The following TCTN2 variants were observed in gnomAD, a reference collection of about 807,000 sequenced individuals.
TCTN2 encodes tectonic-2.
In TCTN2, 66 loss-of-function variants were observed where a neutral mutation model predicts 83.4. The observed-to-expected ratio is 0.79, with a 90% CI of 0.65 to 0.97. The LOEUF (loss-of-function observed/expected upper bound fraction) is 0.97, where lower values mean the gene tolerates loss of function less well. Among genes scored for constraint, TCTN2 ranks in the 50% least tolerant of loss-of-function variants. TCTN2 has a pLI of 0.00. For synonymous variants in TCTN2, 301 were observed against 326.7 expected (o/e 0.92, Z 0.85); for missense variants, 794 against 858.1 (o/e 0.93, Z 0.93).
intron 3 of TCTN2, 112 bp downstream of exon 3, chr12:123,672,244 C>A: frequency 2.0e-6 from 2 of 1,014,886 alleles, no homozygotes; most frequent in Non-Finnish European, 3.1e-6. Flanking sequence ...TCTCAACAAT[C>A]ATGAAATTGT....
chr12:123,672,759 A>G (rs545668272), intron 3 of TCTN2, among the ~76,000 whole-genome samples: 1 of 151,996 alleles, frequency 6.6e-6, no homozygotes, highest in South Asian at 2.1e-4. Context: ...TTAAAAAAAA[A>G]GAAAAAGCTG....
chr12:123,677,716 ACAGTGT>A (rs1292936053), intron 4 of TCTN2, among the ~76,000 whole-genome samples: 1 of 151,852 alleles, frequency 6.6e-6, no homozygotes, highest in Non-Finnish European at 1.5e-5. Context: ...CCCCTGCACC[ACAGTGT>A]TCCCCCTATT....
chr12:123,680,564 T>C (rs12823866), intron 5 of TCTN2, among the ~76,000 whole-genome samples: 52,320 of 147,306 alleles, frequency 0.36, 9,871 homozygotes, highest in African/African-American at 0.41. Flanking sequence ...TTGCCCAGGC[T>C]GGAGTGCAGT....
At chr12:123,697,860 C>A (rs957307619) in intron 13 of TCTN2, among the ~76,000 whole-genome samples, 1 of 136,540 alleles carries the variant, frequency 7.3e-6, no homozygotes, top group African/African-American at 2.7e-5. Context: ...GGGTGATTAA[C>A]TTTTTTTTTT....
intron 2 of TCTN2, among the ~76,000 whole-genome samples, 174 bp downstream of exon 2, chr12:123,671,788 G>A (rs1955756496): frequency 6.6e-6 from 1 of 152,210 alleles, no homozygotes; most frequent in Admixed American, 6.5e-5. Context: ...GGACAGGTTC[G>A]AAGAAAGCCT....
intron 13 of TCTN2, among the ~76,000 whole-genome samples, chr12:123,697,833 A>G (rs998503468): frequency 2.6e-5 from 4 of 151,750 alleles, no homozygotes; most frequent in South Asian, 4.2e-4. Flanking sequence ...GAAAAAGGCC[A>G]GAGCAAAGTG....
intron 4 of TCTN2, among the ~76,000 whole-genome samples, chr12:123,676,566 TAAAAAAAAAAAAA>T (rs60100973): frequency 6.6e-5 from 4 of 60,698 alleles, no homozygotes; most frequent in African/African-American, 2.5e-4. Context: ...AGACTCCATC[TAAAAAAAAAAAAA>T]AAAAAAAAAA....
intron 6 of TCTN2, 76 bp from the exon 7 acceptor site, chr12:123,687,975 G>A: frequency 6.3e-7 from 1 of 1,586,908 alleles, no homozygotes; most frequent in Non-Finnish European, 8.6e-7. Context: ...GAAAACAAGA[G>A]TAAAGAACAA....
intron 4 of TCTN2, among the ~76,000 whole-genome samples, chr12:123,678,103 G>T (rs1356896285): frequency 1.3e-5 from 2 of 152,146 alleles, no homozygotes; most frequent in African/African-American, 4.8e-5. Flanking sequence ...CTCTGAGAGT[G>T]CGAGCCCCTC....
rs771335558 is a variant in TCTN2 at position 123,707,685 on chromosome 12, G to C, written c.2066G>C (p.Trp689Ser). 11 of 1,614,010 alleles carry C rather than the reference G, an allele frequency of 6.8e-6. No individual in the cohort carries two copies. In the African/African-American group the frequency reaches 1.3e-4, roughly 20 times the overall value. Reference sequence around the variant, plus strand: ...TTGGCCTTGTTCCTCAGCAACCCCTGGACCAGAATATGCAAAGCCTATAGT... The same window carrying C: ...TTGGCCTTGTTCCTCAGCAACCCCTCGACCAGAATATGCAAAGCCTATAGT... Reference protein sequence around the residue: ...LTLALFLSNPWTRICKAYS With the variant: ...LTLALFLSNPSTRICKAYS Residue 689 changes from tryptophan (W) to serine (S), a missense_variant, in exon 18 of 18, where the codon TGG becomes TCG. By Grantham distance (177) the Trp-to-Ser change is radical (BLOSUM62 -3). Transcript: ENST00000303372.
intron 7 of TCTN2, among the ~76,000 whole-genome samples, chr12:123,689,369 T>C (rs1015563802): frequency 6.6e-6 from 1 of 152,096 alleles, no homozygotes; most frequent in African/African-American, 2.4e-5. Flanking sequence ...AATTTTTCTG[T>C]AGAGATGGGG....
chr12:123,702,010 G>A (rs1337046758), intron 14 of TCTN2, among the ~76,000 whole-genome samples: 1 of 152,194 alleles, frequency 6.6e-6, no homozygotes, highest in Non-Finnish European at 1.5e-5. Context: ...GGTTATGTTG[G>A]AGAGGCCTAA....
chr12:123,673,903 T>G, intron 4 of TCTN2, 93 bp downstream of exon 4: 3 of 1,257,644 alleles, frequency 2.4e-6, no homozygotes, highest in Non-Finnish European at 3.5e-6. Flanking sequence ...GGGAGGTTGA[T>G]GCTATAAATG....
chr12:123,699,404 C>T (rs1031005291), intron 13 of TCTN2, among the ~76,000 whole-genome samples: 1 of 152,208 alleles, frequency 6.6e-6, no homozygotes, highest in Non-Finnish European at 1.5e-5. Context: ...ATCCTCCCAC[C>T]TCAGCCTCCC....
At position 123,704,605 on chromosome 12, in the gene TCTN2, T is replaced by C; in HGVS notation, c.1686T>C (p.Ala562=). The change falls in exon 15 of 18, where the codon GCT becomes GCC. Residue 562 remains alanine, a synonymous_variant. Transcript: ENST00000303372. ...SVNGMCLDIP[A]HLSIRILISD... ...ACGGCATGTGCCTGGATATTCCTGCTCACCTGAGCATCCGCATCCTCATCT... is the reference window on the plus strand; with the variant it reads ...ACGGCATGTGCCTGGATATTCCTGCCCACCTGAGCATCCGCATCCTCATCT... The C allele has an allele frequency of 4.3e-6, 7 of 1,613,510 alleles. No individual in the cohort carries two copies. Among genetic ancestry groups the C allele is most frequent in the Non-Finnish European group, 5.9e-6 (7 of 1,179,914 alleles).
intron 5 of TCTN2, among the ~76,000 whole-genome samples, chr12:123,684,927 G>A (rs1286858666): frequency 1.3e-5 from 2 of 151,596 alleles, no homozygotes; most frequent in East Asian, 1.9e-4. Context: ...GTGGGTGCCT[G>A]TAGTCCCAGC....
At position 123,671,503 on chromosome 12, in the gene TCTN2, C is replaced by T. The variant is rs73416299; in HGVS notation, c.83-4C>T. 41,964 of 1,613,974 alleles carry T rather than the reference C, an allele frequency of 0.026. 1,194 individuals are homozygous for T. The highest frequency in any genetic ancestry group is 0.14 in the African/African-American group (10,126 of 74,994). On this transcript the variant is annotated splice_polypyrimidine_tract_variant and splice_region_variant and intron_variant, in intron 1 of 17. Transcript: ENST00000303372. ...CCTCCTTGTCCCCTTTCCTTCCCGC[C>T]TAGCTTTCATCCCTCCTTTTATCCG...
chr12:123,683,093 G>A (rs1209407309), intron 5 of TCTN2, among the ~76,000 whole-genome samples: 3 of 151,182 alleles, frequency 2.0e-5, no homozygotes, highest in Non-Finnish European at 4.4e-5. Flanking sequence ...CGTGGTGGCC[G>A]GTGCCTGTAG....
intron 4 of TCTN2, among the ~76,000 whole-genome samples, 197 bp downstream of exon 4, chr12:123,674,007 CA>C (rs1244594534): frequency 6.6e-6 from 1 of 151,984 alleles, no homozygotes; most frequent in South Asian, 2.1e-4. Context: ...CAAAAAAAAC[CA>C]AAAACAAAAA....
Sources: allele counts gnomAD v4.1 joint callset (sites outside exome capture counted in the v4.1 genomes callset), GRCh38; gene constraint gnomAD v4.1.1; transcripts MANE v1.5; gene names NCBI Gene and HGNC (gene_info 2026-07-23, HGNC 2026-07-21).